Variants in GOLGA1 observed in about 807,000 individuals in gnomAD.
GOLGA1 encodes golgin A1.
Under a neutral mutation model 119.7 loss-of-function variants are expected in GOLGA1, and 63 were observed. The ratio of observed to expected loss-of-function variants is 0.53; its 90% CI spans 0.43 to 0.65. GOLGA1 has a LOEUF of 0.65. GOLGA1 is among the 30% of genes least tolerant of loss of function. The pLI, the probability that GOLGA1 is intolerant of heterozygous loss-of-function variation, is 0.00. For synonymous variants in GOLGA1, 318 were observed against 333.4 expected (o/e 0.95, Z 0.50); for missense variants, 798 against 912.8 (o/e 0.87, Z 1.62).
At chr9:124,918,760 A>G (rs1830503437) in intron 10 of GOLGA1, among the ~76,000 whole-genome samples, 1 of 152,068 alleles carries the variant, frequency 6.6e-6, no homozygotes, top group African/African-American at 2.4e-5. Context: ...TGTCTCAGAA[A>G]AAAACAAAAT....
chr9:124,905,110 C>A (rs1468394919), intron 12 of GOLGA1, among the ~76,000 whole-genome samples: 1 of 150,518 alleles, frequency 6.6e-6, no homozygotes, highest in South Asian at 2.1e-4. Context: ...CAGGACACTA[C>A]ACTACAGCTT....
chr9:124,917,856 TATA>T (rs1227048529), intron 10 of GOLGA1, among the ~76,000 whole-genome samples: 3 of 150,712 alleles, frequency 2.0e-5, no homozygotes, highest in South Asian at 4.2e-4. Flanking sequence ...GATATATATA[TATA>T]TTTTTTTTTT....
Position 124,940,960 on chromosome 9 carries a change from G to A in GOLGA1, c.-206+11C>T, listed in dbSNP as rs1032463878. 6.6e-6 allele frequency: 1 copy of A among 152,416 alleles called. No individual in the cohort carries two copies. The highest frequency in any genetic ancestry group is 2.4e-5 in the African/African-American group (1 of 41,456). 9.4% of individuals were successfully genotyped at this position (152,416 alleles called of 1,614,324 possible). On this transcript the variant is annotated intron_variant, in intron 1 of 22. Transcript: ENST00000373555. ...GGCCTGCTCGCATTCCCGGAGTCCT[G>A]GCCCGCGCACCTGCCTCTCTCTGGG...
At position 124,908,480 on chromosome 9, in the gene GOLGA1, T is replaced by C. The variant is rs769636725; in HGVS notation, c.970-8A>G. The C allele has an allele frequency of 2.1e-6, 3 of 1,456,280 alleles. No homozygotes were observed. The allele number at this position is 1,456,280 out of a possible 1,614,324, so 90.2% of individuals were successfully genotyped here. A position where few individuals can be genotyped will look rare whatever the true frequency, so the allele number is the denominator to read the frequency against. On this transcript the variant is annotated splice_region_variant and splice_polypyrimidine_tract_variant and intron_variant, in intron 11 of 22. Transcript: ENST00000373555. ...CTGCTCAGCAAGTGTTTTCTGTAAG[T>C]TGAAAGAAGAGTAAAAGAAGACTAT... is the stretch of plus-strand genomic sequence containing the variant.
intron 10 of GOLGA1, among the ~76,000 whole-genome samples, chr9:124,917,557 C>T (rs1169615945): frequency 6.6e-6 from 1 of 152,162 alleles, no homozygotes; most frequent in Non-Finnish European, 1.5e-5. Context: ...CACCACCACA[C>T]TTGTCAAAGC....
At chr9:124,898,397 A>AGG in intron 15 of GOLGA1, 152 bp downstream of exon 15, 1 of 590,684 alleles carries the variant, frequency 1.7e-6, no homozygotes, top group South Asian at 2.1e-5. Context: ...AACTTAATGA[A>AGG]GTGGCAATTT....
intron 22 of GOLGA1, 61 bp from the exon 23 acceptor site, chr9:124,880,671 G>T: frequency 9.9e-7 from 1 of 1,015,004 alleles, no homozygotes. Context: ...CAGGGAAACT[G>T]AACCGCCCCT....
upstream of GOLGA1, among the ~76,000 whole-genome samples, chr9:124,942,284 C>A (rs553721886): frequency 6.6e-6 from 1 of 152,276 alleles, no homozygotes; most frequent in East Asian, 1.9e-4. Context: ...CAAAAAGTCA[C>A]GGTCCAAATC....
Position 124,933,752 on chromosome 9 carries a change from G to A in GOLGA1, c.136-2346C>T, listed in dbSNP as rs535487582. On this transcript the variant is annotated intron_variant, in intron 3 of 22. Coordinates refer to ENST00000373555, the MANE Select transcript of GOLGA1 (RefSeq NM_002077.4). ...TTTTGATACATAGTAGGCAGAGGGT[G>A]TTCACATGACCAGTCCCCAATAAAA... 4.6e-5 allele frequency among the ~76,000 whole-genome samples: 7 copies of A among 152,200 alleles called. No homozygotes were observed. In the South Asian group the frequency reaches 1.2e-3, roughly 27 times the overall value.
At chr9:124,898,034 T>C (rs990725905) in intron 15 of GOLGA1, among the ~76,000 whole-genome samples, 1 of 152,244 alleles carries the variant, frequency 6.6e-6, no homozygotes, top group Non-Finnish European at 1.5e-5. Context: ...AGGCATCCTC[T>C]GATTAAAGCT....
At chr9:124,925,580 A>C (rs1830658034) in intron 7 of GOLGA1, among the ~76,000 whole-genome samples, 1 of 151,972 alleles carries the variant, frequency 6.6e-6, no homozygotes, top group Non-Finnish European at 1.5e-5. Context: ...TTAGCTGGGC[A>C]CTGTGGCTCA....
At chr9:124,937,613 A>G (rs1423133572) in intron 3 of GOLGA1, among the ~76,000 whole-genome samples, 1 of 146,852 alleles carries the variant, frequency 6.8e-6, no homozygotes, top group African/African-American at 2.5e-5. Context: ...CCTGGCTGAC[A>G]GAGTGAGACT....
intron 6 of GOLGA1, among the ~76,000 whole-genome samples, chr9:124,927,479 C>T (rs2131510123): frequency 6.6e-6 from 1 of 152,232 alleles, no homozygotes; most frequent in East Asian, 1.9e-4. Flanking sequence ...TAAAACCAAC[C>T]AACCAACCCA....
chr9:124,941,580 G>T (rs1023658467), upstream of GOLGA1, among the ~76,000 whole-genome samples: 1 of 152,230 alleles, frequency 6.6e-6, no homozygotes, highest in Non-Finnish European at 1.5e-5. Flanking sequence ...AACTAGTCCT[G>T]GGACCTTACA....
Position 124,889,485 on chromosome 9 carries a change from T to C in GOLGA1, c.1549A>G (p.Lys517Glu). The change falls in exon 17 of 23, where the codon AAA becomes GAA. Residue 517 changes from lysine (K) to glutamate (E), a missense_variant. Coordinates refer to ENST00000373555, the MANE Select transcript of GOLGA1 (RefSeq NM_002077.4). ...TCTTTCTGGAGAAGCACTTCGGTTT[T>C]TTCCCGCAGATTCTGTTCCTTCTCG... The part of the protein sequence containing the change: ...IDEKEQNLRE[K>E]TEVLLQKEQE... 1 of 1,614,118 alleles carries C rather than the reference T, an allele frequency of 6.2e-7. No homozygotes were observed. Among genetic ancestry groups the C allele is most frequent in the African/African-American group, 1.3e-5 (1 of 75,050 alleles).
At chr9:124,927,526 G>A (rs1225714836) in intron 6 of GOLGA1, among the ~76,000 whole-genome samples, 1 of 152,078 alleles carries the variant, frequency 6.6e-6, no homozygotes, top group African/African-American at 2.4e-5. Context: ...AATTTCTTAA[G>A]TGAAACATAA....
Position 124,881,690 on chromosome 9 carries a change from A to T in GOLGA1, c.2136+94T>A, listed in dbSNP as rs1829585639. 9.5e-6 allele frequency: 8 copies of T among 842,900 alleles called. No homozygotes were observed. Among genetic ancestry groups the T allele is most frequent in the South Asian group, 8.7e-5 (5 of 57,346 alleles). 52.2% of individuals were successfully genotyped at this position (842,900 alleles called of 1,614,324 possible). ...CAAGGGCGTCAAACCAGGATGTACGAGGAAAAGAGAGAAAGGGGCTGGGCA... is the reference window on the plus strand; with the variant it reads ...CAAGGGCGTCAAACCAGGATGTACGTGGAAAAGAGAGAAAGGGGCTGGGCA... On this transcript the variant is annotated intron_variant, in intron 21 of 22. Coordinates refer to ENST00000373555, the MANE Select transcript of GOLGA1 (RefSeq NM_002077.4). This position sits in a 1 kb window ranked among gnomAD's most constrained non-coding sequence, Gnocchi z 4.9.
chr9:124,889,118 C>A, intron 18 of GOLGA1, 25 bp downstream of exon 18: 1 of 1,581,540 alleles, frequency 6.3e-7, no homozygotes, highest in Non-Finnish European at 8.6e-7. Flanking sequence ...GCTGTAGCAC[C>A]CATGCAGGTG....
intron 10 of GOLGA1, among the ~76,000 whole-genome samples, chr9:124,913,583 AT>A (rs1351272610): frequency 3.9e-5 from 6 of 152,202 alleles, no homozygotes; most frequent in African/African-American, 1.4e-4. Context: ...GCCATTCTGA[AT>A]TCTCACAGGT....
Sources: allele counts gnomAD v4.1 joint callset (sites outside exome capture counted in the v4.1 genomes callset), GRCh38; gene constraint gnomAD v4.1.1; non-coding constraint Gnocchi (gnomAD v3.1); transcripts MANE v1.5; gene names NCBI Gene and HGNC (gene_info 2026-07-23, HGNC 2026-07-21).